The following PTPN23 variants were observed in gnomAD, a reference collection of about 807,000 sequenced individuals.
The protein encoded by PTPN23 is tyrosine-protein phosphatase non-receptor type 23.
PTPN23 carries 72 observed loss-of-function variants against 156.3 expected under a neutral mutation model. The ratio of observed to expected loss-of-function variants is 0.46; its 90% CI spans 0.38 to 0.56. The LOEUF is 0.56. PTPN23 is among the 20% of genes least tolerant of loss of function. The pLI, the probability that PTPN23 is intolerant of heterozygous loss-of-function variation, is 0.00. For synonymous variants in PTPN23, 957 were observed against 899.6 expected, an observed-to-expected ratio of 1.06 and a Z score of -1.14; for missense variants, 1,974 against 2,171.5, an observed-to-expected ratio of 0.91 and a Z score of 1.81.
intron 2 of PTPN23, among the ~76,000 whole-genome samples, chr3:47,397,172 A>G (rs1196670955): frequency 6.6e-6 from 1 of 152,208 alleles, no homozygotes; most frequent in Non-Finnish European, 1.5e-5. Context: ...CAATTATAAT[A>G]GTAACATCAA....
chr3:47,413,365 T>A lies in PTPN23; in HGVS notation c.*180T>A. The A allele has an allele frequency of 1.2e-6, 1 of 813,510 alleles. No homozygotes were observed. Among genetic ancestry groups the A allele is most frequent in the Non-Finnish European group, 1.9e-6 (1 of 531,000 alleles). The allele number at this position is 813,510 out of a possible 1,614,324, so 50.4% of individuals were successfully genotyped here. On this transcript the variant is annotated 3_prime_UTR_variant, in exon 25 of 25. Coordinates refer to ENST00000265562, the MANE Select transcript of PTPN23 (RefSeq NM_015466.4). ...AATGTACTGCAGGCTCTGGGTCAGG[T>A]TCTGCTCCTTTATGGGACCCGACAT... is the stretch of plus-strand genomic sequence containing the variant.
At chr3:47,398,207 G>A (rs1704919322) in intron 2 of PTPN23, among the ~76,000 whole-genome samples, 1 of 152,164 alleles carries the variant, frequency 6.6e-6, no homozygotes, top group Admixed American at 6.5e-5. Flanking sequence ...GCTAAGGCAG[G>A]AAAATTACTT....
rs201693311 is a variant in PTPN23, at chr3:47,406,678, C to T, written c.760-25C>T. 52 of 1,613,968 alleles carry T rather than the reference C, an allele frequency of 3.2e-5. No homozygotes were observed. Among genetic ancestry groups the T allele is most frequent in the Middle Eastern group, 3.3e-4 (2 of 6,060 alleles). On this transcript the variant is annotated intron_variant, in intron 8 of 24. Transcript: ENST00000265562. This position sits in a 1 kb window ranked among gnomAD's most constrained non-coding sequence, Gnocchi z 5.8. ...AGTGGCCACAGCTCAGGAAGCAAGTCGTGGCGTCTCTTCTTCTTTCCCAGC... is the reference window on the plus strand; with the variant it reads ...AGTGGCCACAGCTCAGGAAGCAAGTTGTGGCGTCTCTTCTTCTTTCCCAGC...
intron 2 of PTPN23, among the ~76,000 whole-genome samples, chr3:47,401,407 A>G (rs1442952417): frequency 2.0e-5 from 3 of 151,702 alleles, no homozygotes; most frequent in African/African-American, 7.3e-5. Context: ...GAGTCTCGCC[A>G]TGTTCTTCAG....
chr3:47,411,455 G>C lies in PTPN23; in HGVS notation c.3657G>C (p.Leu1219=), dbSNP rs766192829. Residue 1219 remains leucine (L), a synonymous_variant, in exon 20 of 25, where the codon CTG becomes CTC. Coordinates refer to ENST00000265562, the MANE Select transcript of PTPN23 (RefSeq NM_015466.4). This position sits in a 1 kb window ranked among gnomAD's most constrained non-coding sequence, Gnocchi z 6.3. ...TCGCCATTGCCCGCTGCTACTCACT[G>C]AAGAACCGGCACCAGGATGTCATGC... The part of the protein sequence containing the change: ...RSIAIARCYS[L]KNRHQDVMPY... The C allele has an allele frequency of 5.3e-5, 86 of 1,613,090 alleles. No homozygotes were observed. The highest frequency in any genetic ancestry group is 6.9e-5 in the Non-Finnish European group (82 of 1,180,036).
At chr3:47,391,775 C>T (rs1704778399) in intron 1 of PTPN23, among the ~76,000 whole-genome samples, 1 of 152,196 alleles carries the variant, frequency 6.6e-6, no homozygotes, top group African/African-American at 2.4e-5. Context: ...TACTCATTTT[C>T]TCTAACCTAA....
At chr3:47,391,160 C>T (rs1161267742) in intron 1 of PTPN23, among the ~76,000 whole-genome samples, 1 of 152,022 alleles carries the variant, frequency 6.6e-6, no homozygotes, top group Non-Finnish European at 1.5e-5. Flanking sequence ...TTACTTGGAC[C>T]CAGGAGTTTG....
Position 47,406,827 on chromosome 3 carries a change from C to T in PTPN23, c.807+77C>T. On this transcript the variant is annotated intron_variant, in intron 9 of 24. Coordinates refer to ENST00000265562, the MANE Select transcript of PTPN23 (RefSeq NM_015466.4). The surrounding 1 kb of genome is among the most constrained non-coding windows in gnomAD (Gnocchi z 5.8). ...TGCCGGTGTGCTCCCGCTCCTTACA[C>T]ACCAGGGGGTGGCCTTCTCTGTCTC... 1.3e-6 allele frequency: 2 copies of T among 1,566,602 alleles called. No homozygotes were observed. Among genetic ancestry groups the T allele is most frequent in the Admixed American group, 1.8e-5 (1 of 55,710 alleles).
Position 47,407,991 on chromosome 3 carries a change from G to C in PTPN23, c.1184+36G>C, listed in dbSNP as rs1705170329. 1.2e-6 allele frequency: 2 copies of C among 1,606,064 alleles called. No individual in the cohort carries two copies. The highest frequency in any genetic ancestry group is 1.7e-5 in the Admixed American group (1 of 58,880). ...GACTTGGGCAGGGAGGCGGAGGCAG[G>C]CAGCACTTCCCGGGCCTCTGGGGGC... On this transcript the variant is annotated intron_variant, in intron 14 of 24. Transcript: ENST00000265562. The surrounding 1 kb of genome is among the most constrained non-coding windows in gnomAD (Gnocchi z 4.0).
chr3:47,411,926 G>A lies in PTPN23; in HGVS notation c.4032G>A (p.Lys1344=). 2 of 1,613,332 alleles carry A rather than the reference G, an allele frequency of 1.2e-6. No individual in the cohort carries two copies. Among genetic ancestry groups the A allele is most frequent in the Non-Finnish European group, 1.7e-6 (2 of 1,179,918 alleles). ...TGCAGTTCCGAGACCAGAGCCTCAA[G>A]CGCTCTCTTGTGCACCTGCACTTCC... The part of the protein sequence containing the change: ...LSLQFRDQSL[K]RSLVHLHFPT... The change falls in exon 21 of 25, where the codon AAG becomes AAA. Residue 1344 remains lysine (K), a synonymous_variant. Coordinates refer to ENST00000265562, the MANE Select transcript of PTPN23 (RefSeq NM_015466.4). This position sits in a 1 kb window ranked among gnomAD's most constrained non-coding sequence, Gnocchi z 6.3.
In PTPN23 at chr3:47,406,001, C is replaced by T. The variant is rs1483656415; in HGVS notation, c.501C>T (p.Val167=). 1.6e-5 allele frequency: 26 copies of T among 1,613,566 alleles called. No individual in the cohort carries two copies. Among genetic ancestry groups the T allele is most frequent in the Admixed American group, 5.0e-5 (3 of 59,964 alleles). ...LREHFPQAYS[V]DMSRQILTLN... ...AGCACTTCCCTCAAGCCTACAGCGT[C>T]GACATGAGCCGCCAGATCCTTACGC... Residue 167 remains valine (V), a synonymous_variant, in exon 6 of 25, where the codon GTC becomes GTT. Transcript: ENST00000265562. This position sits in a 1 kb window ranked among gnomAD's most constrained non-coding sequence, Gnocchi z 5.8.
intron 2 of PTPN23, among the ~76,000 whole-genome samples, chr3:47,397,999 T>C (rs1025854849): frequency 6.6e-6 from 1 of 151,910 alleles, no homozygotes; most frequent in Non-Finnish European, 1.5e-5. Context: ...TGTCAGTTAT[T>C]CAAAATTAGT....
rs372160278 is a variant in PTPN23, at chr3:47,405,096, C to G, written c.364+15C>G. 1.9e-4 allele frequency: 307 copies of G among 1,613,032 alleles called. No individual in the cohort carries two copies. Among genetic ancestry groups the G allele is most frequent in the Non-Finnish European group, 2.5e-4 (293 of 1,179,150 alleles). On this transcript the variant is annotated intron_variant, in intron 4 of 24. Coordinates refer to ENST00000265562, the MANE Select transcript of PTPN23 (RefSeq NM_015466.4). This position sits in a 1 kb window ranked among gnomAD's most constrained non-coding sequence, Gnocchi z 4.7. ...CTACAACCTTGGTGAGCTGCCTGAT[C>G]CCTTCCCCCGGCCCTACTCCCCAGT...
Position 47,411,066 on chromosome 3 carries a change from C to T in PTPN23, c.3268C>T (p.Pro1090Ser). 1 of 1,586,044 alleles carries T rather than the reference C, an allele frequency of 6.3e-7. No homozygotes were observed. Among genetic ancestry groups the T allele is most frequent in the Admixed American group, 1.7e-5 (1 of 57,188 alleles). Reference sequence around the variant, plus strand: ...TCCCCACCTGGTGCCTTCACCTGCCCCATCTCCAGGGCCTGGTCCGGTACC... The same window carrying T: ...TCCCCACCTGGTGCCTTCACCTGCCTCATCTCCAGGGCCTGGTCCGGTACC... The part of the protein sequence containing the change: ...PSPHLVPSPA[P>S]SPGPGPVPPR... The change falls in exon 20 of 25, where the codon CCA (proline) becomes TCA (serine). Residue 1090 changes from proline to serine, a missense_variant. Transcript: ENST00000265562. The surrounding 1 kb of genome is among the most constrained non-coding windows in gnomAD (Gnocchi z 6.3).
rs1420746248 is a variant in PTPN23, at chr3:47,412,170, C to T, written c.4150C>T (p.Leu1384=). The T allele has an allele frequency of 9.3e-6, 15 of 1,613,118 alleles. No individual in the cohort carries two copies. In the African/African-American group the frequency reaches 1.6e-4, roughly 17 times the overall value. The part of the protein sequence containing the change: ...VHAHYLHQRP[L]HTPIIVHCSS... ...CGCACATTACCTGCATCAGCGGCCGCTGCACACGCCCATCATTGTGCACTG... is the reference window on the plus strand; with the variant it reads ...CGCACATTACCTGCATCAGCGGCCGTTGCACACGCCCATCATTGTGCACTG... The change falls in exon 22 of 25, where the codon CTG becomes TTG. Residue 1384 remains leucine, a synonymous_variant. Transcript: ENST00000265562.
In PTPN23 at chr3:47,396,148, C is replaced by T; in HGVS notation, c.90C>T (p.Val30=). The T allele has an allele frequency of 6.2e-7, 1 of 1,611,936 alleles. No homozygotes were observed. The highest frequency in any genetic ancestry group is 2.2e-5 in the East Asian group (1 of 44,832). The part of the protein sequence containing the change: ...FHFQPAVKKF[V]LKNYGENPEA... ...ATGTTCTTCTCTCTCTGTAGTTTGT[C>T]CTGAAGAATTATGGAGAGAACCCAG... is the stretch of plus-strand genomic sequence containing the variant. The change falls in exon 2 of 25, where the codon GTC becomes GTT. Residue 30 remains valine (V), a synonymous_variant. Transcript: ENST00000265562.
chr3:47,410,309 C>T lies in PTPN23; in HGVS notation c.2511C>T (p.Ser837=). The T allele has an allele frequency of 6.2e-7, 1 of 1,605,042 alleles. No homozygotes were observed. The highest frequency in any genetic ancestry group is 8.5e-7 in the Non-Finnish European group (1 of 1,175,410). ...CGGAGCTGGGCCTTGTGCCCCGATC[C>T]TCCCCACAGCATGGCGTGGTGAGCA... ...YTPELGLVPR[S]SPQHGVVSSP... Residue 837 remains serine, a synonymous_variant, in exon 20 of 25, where the codon TCC becomes TCT. Coordinates refer to ENST00000265562, the MANE Select transcript of PTPN23 (RefSeq NM_015466.4).
At position 47,382,323 on chromosome 3, in the gene PTPN23, C is replaced by CTT. The variant is rs11438597; in HGVS notation, c.84+1157_84+1158dup. Among the ~76,000 whole-genome samples the CTT allele has an allele frequency of 2.9e-3, 410 of 141,090 alleles. 4 individuals carry two copies. Among genetic ancestry groups the CTT allele is most frequent in the African/African-American group, 1.0e-2 (381 of 38,196 alleles). 92.6% of individuals were successfully genotyped at this position (141,090 alleles called of 152,430 possible). A position where few individuals can be genotyped will look rare whatever the true frequency, so the allele number is the denominator to read the frequency against. ...TTCATCTGCTGTTTCTTTTTCCTAC[C>CTT]TTTTTTTTTTTTTTTGAGACGGAGT... On this transcript the variant is annotated intron_variant, in intron 1 of 24. Transcript: ENST00000265562.
Position 47,412,916 on chromosome 3 carries a change from CT to C in PTPN23, c.4645del (p.Ser1549ProfsTer35). On this transcript the variant is annotated frameshift_variant, in exon 25 of 25. Transcript: ENST00000265562. LOFTEE classifies it high-confidence loss of function. ...AATCCCATCTTCCTCCCCGCCCCCC[CT>C]TTCCTCCCCACTACCTGAGGCTCCC... ...TPIPSSSPPP[L>X]SSPLPEAPQP... 6.2e-7 allele frequency: 1 copy of C among 1,603,450 alleles called. No homozygotes were observed. Among genetic ancestry groups the C allele is most frequent in the South Asian group, 1.1e-5 (1 of 90,388 alleles).
Sources: gnomAD v4.1 joint callset for allele counts (sites outside exome capture counted in the v4.1 genomes callset) on GRCh38, gnomAD v4.1.1 for gene constraint, Gnocchi (gnomAD v3.1) non-coding constraint, MANE v1.5 for transcripts, NCBI Gene and HGNC (gene_info 2026-07-23, HGNC 2026-07-21) for gene names.